PLXDC1: variants seen among roughly 807,000 people sequenced by gnomAD.
The protein encoded by PLXDC1 is plexin domain containing 1.
A neutral mutation model predicts 61.3 loss-of-function variants in PLXDC1; 39 were observed. That is an observed-to-expected ratio of 0.64 (90% CI 0.49 to 0.83). PLXDC1 has a LOEUF of 0.83. PLXDC1 is among the 40% of genes least tolerant of loss of function. The pLI, the probability that PLXDC1 is intolerant of heterozygous loss-of-function variation, is 0.00. For synonymous variants in PLXDC1, 212 were observed against 254.5 expected, an observed-to-expected ratio of 0.83 and a Z score of 1.59; for missense variants, 596 against 666.5, an observed-to-expected ratio of 0.89 and a Z score of 1.17.
At chr17:39,076,969 G>A (rs1162674311) in intron 11 of PLXDC1, among the ~76,000 whole-genome samples, 1 of 152,032 alleles carries the variant, frequency 6.6e-6, no homozygotes, top group African/African-American at 2.4e-5. Flanking sequence ...TCCTGACCTC[G>A]TGATCCTCCC....
chr17:39,114,736 A>G (rs565567869), intron 2 of PLXDC1, among the ~76,000 whole-genome samples: 1 of 152,298 alleles, frequency 6.6e-6, no homozygotes, highest in South Asian at 2.1e-4. Flanking sequence ...CAGATGCTAA[A>G]CAGGTGCTCT....
At chr17:39,151,856 C>T (rs1195346199), upstream of PLXDC1, among the ~76,000 whole-genome samples, 1 of 152,170 alleles carries the variant, frequency 6.6e-6, no homozygotes, top group Non-Finnish European at 1.5e-5. The surrounding 1 kb of genome is among the most constrained non-coding windows in gnomAD (Gnocchi z 5.2). Flanking sequence ...CTAGAAGCAT[C>T]AGCCGCCCCG....
Position 39,151,603 on chromosome 17 carries a change from C to A in PLXDC1, c.-166G>T. 8.9e-7 allele frequency: 1 copy of A among 1,123,096 alleles called. No individual in the cohort carries two copies. The highest frequency in any genetic ancestry group is 1.1e-6 in the Non-Finnish European group (1 of 917,730). The allele number at this position is 1,123,096 out of a possible 1,614,324, so 69.6% of individuals were successfully genotyped here. A position where few individuals can be genotyped will look rare whatever the true frequency, so the allele number is the denominator to read the frequency against. ...GGCGAGCCGGCAGGAGCGGCGAGAG[C>A]GCGAGCGGAGCTGGAGGCTGCGGCC... On this transcript the variant is annotated 5_prime_UTR_variant, in exon 1 of 14. Coordinates refer to ENST00000315392, the MANE Select transcript of PLXDC1 (RefSeq NM_020405.5). This position sits in a 1 kb window ranked among gnomAD's most constrained non-coding sequence, Gnocchi z 5.2.
chr17:39,087,233 C>A (rs1156664373), intron 8 of PLXDC1, among the ~76,000 whole-genome samples: 1 of 152,182 alleles, frequency 6.6e-6, no homozygotes, highest in Non-Finnish European at 1.5e-5. Context: ...CAAACTGAGG[C>A]CCGTCTAGTT....
At chr17:39,128,103 A>ATATG (rs1388209830) in intron 2 of PLXDC1, among the ~76,000 whole-genome samples, 5,658 of 83,924 alleles carry the variant, frequency 0.067, 500 homozygotes, top group Middle Eastern at 0.17. Flanking sequence ...ATGTGTATAT[A>ATATG]TATATATATA....
chr17:39,107,448 C>G lies in PLXDC1; in HGVS notation c.670G>C (p.Ala224Pro). ...ACAATGCGGCCGTCATGGTGCAGAG[C>G]TGCCTGGAAGGTGAAACTGCCCTTG... ...EDKGSFTFQAALHHDGRIVFA... is the reference protein window; with the variant it reads ...EDKGSFTFQAPLHHDGRIVFA... Residue 224 changes from alanine (A) to proline (P), a missense_variant, in exon 6 of 14, where the codon GCT (alanine) becomes CCT (proline). Transcript: ENST00000315392. The G allele has an allele frequency of 1.2e-6, 2 of 1,614,008 alleles. No individual in the cohort carries two copies. Among genetic ancestry groups the G allele is most frequent in the Non-Finnish European group, 1.7e-6 (2 of 1,179,896 alleles).
At position 39,073,713 on chromosome 17, in the gene PLXDC1, G is replaced by A. The variant is rs962677705; in HGVS notation, c.1187-1228C>T. 5.3e-5 allele frequency among the ~76,000 whole-genome samples: 8 copies of A among 152,362 alleles called. No individual in the cohort carries two copies. In the South Asian group the frequency reaches 1.0e-3, roughly 20 times the overall value. ...TCACACAGGAAGAAATGCATGCAAT[G>A]TTGATCAAATGAGTGGTCATTTTCT... On this transcript the variant is annotated intron_variant, in intron 11 of 13. Transcript: ENST00000315392.
intron 2 of PLXDC1, among the ~76,000 whole-genome samples, chr17:39,115,924 T>G (rs778780694): frequency 6.6e-6 from 1 of 152,066 alleles, no homozygotes; most frequent in African/African-American, 2.4e-5. Flanking sequence ...AAGACCAGCC[T>G]GGCCAACATG....
At chr17:39,148,438 T>A (rs1212153254) in intron 1 of PLXDC1, among the ~76,000 whole-genome samples, 1 of 151,518 alleles carries the variant, frequency 6.6e-6, no homozygotes, top group Non-Finnish European at 1.5e-5. Context: ...TGGAGTGCAG[T>A]GGTGCGATCT....
chr17:39,116,104 T>A (rs1306266393), intron 2 of PLXDC1, among the ~76,000 whole-genome samples: 3 of 152,090 alleles, frequency 2.0e-5, no homozygotes, highest in African/African-American at 7.2e-5. Context: ...GGTGACACAG[T>A]GAGACTCCGT....
At chr17:39,083,821 A>T (rs1484568312) in intron 8 of PLXDC1, among the ~76,000 whole-genome samples, 1 of 151,974 alleles carries the variant, frequency 6.6e-6, no homozygotes, top group Non-Finnish European at 1.5e-5. Context: ...CTCCTGCCTC[A>T]GCCTCCCCAC....
chr17:39,140,843 T>G (rs1445288613), intron 1 of PLXDC1, among the ~76,000 whole-genome samples: 2 of 152,232 alleles, frequency 1.3e-5, no homozygotes, highest in African/African-American at 4.8e-5. Flanking sequence ...CTTTTCCAAT[T>G]TTTTTATTGT....
chr17:39,087,756 G>A lies in PLXDC1; in HGVS notation c.812-54C>T, dbSNP rs576214563. ...GAGCATATCACAGGCAGAGGGCATC[G>A]AGGCCTCTTCCCGGACAGTCTGACA... On this transcript the variant is annotated intron_variant, in intron 7 of 13. Transcript: ENST00000315392. 6 of 1,316,534 alleles carry A rather than the reference G, an allele frequency of 4.6e-6. 1 individual carries two copies. In the East Asian group the frequency reaches 7.1e-5, roughly 16 times the overall value. The allele number at this position is 1,316,534 out of a possible 1,614,324, so 81.6% of individuals were successfully genotyped here.
chr17:39,119,890 T>C (rs150217339), intron 2 of PLXDC1, among the ~76,000 whole-genome samples: 73 of 151,936 alleles, frequency 4.8e-4, no homozygotes, highest in African/African-American at 1.7e-3. Flanking sequence ...CCCAACCAAC[T>C]GAATGGACCC....
intron 4 of PLXDC1, 124 bp from the exon 5 acceptor site, chr17:39,108,369 C>A: frequency 9.9e-7 from 1 of 1,013,660 alleles, no homozygotes; most frequent in South Asian, 1.4e-5. Flanking sequence ...AGACCTCTGT[C>A]GCCCATCCCC....
intron 2 of PLXDC1, among the ~76,000 whole-genome samples, chr17:39,117,799 T>C (rs902315712): frequency 6.6e-6 from 1 of 152,182 alleles, no homozygotes; most frequent in Non-Finnish European, 1.5e-5. Context: ...AGTAAAGGGT[T>C]TGATTGGCCA....
intron 2 of PLXDC1, among the ~76,000 whole-genome samples, chr17:39,126,262 C>CA (rs924335674): frequency 3.1e-4 from 47 of 149,650 alleles, no homozygotes; most frequent in African/African-American, 6.9e-4. Flanking sequence ...CTCAAACAAA[C>CA]AAAAAAAAAC....
intron 2 of PLXDC1, among the ~76,000 whole-genome samples, chr17:39,130,495 G>GGGTT (rs1443138362): frequency 6.6e-6 from 1 of 152,074 alleles, no homozygotes; most frequent in African/African-American, 2.4e-5. Context: ...ACTGGATGGG[G>GGGTT]GGTTGGTTGC....
intron 7 of PLXDC1, among the ~76,000 whole-genome samples, chr17:39,103,072 A>G (rs897820934): frequency 3.3e-5 from 5 of 152,146 alleles, no homozygotes; most frequent in Non-Finnish European, 1.5e-5. Flanking sequence ...AAAATTAGCC[A>G]GGCGTGGTGG....
Sources: allele counts gnomAD v4.1 joint callset (sites outside exome capture counted in the v4.1 genomes callset), GRCh38; gene constraint gnomAD v4.1.1; non-coding constraint Gnocchi (gnomAD v3.1); transcripts MANE v1.5; gene names NCBI Gene and HGNC (gene_info 2026-07-23, HGNC 2026-07-21).